The following PITRM1 variants were observed in gnomAD, a reference collection of about 807,000 sequenced individuals.
The protein encoded by PITRM1 is pitrilysin metallopeptidase 1, also known as presequence protease, mitochondrial.
A neutral mutation model predicts 129.9 loss-of-function variants in PITRM1; 100 were observed. The ratio of observed to expected loss-of-function variants is 0.77; its 90% confidence interval spans 0.65 to 0.91. The LOEUF (loss-of-function observed/expected upper bound fraction) is 0.91. PITRM1 is among the 40% of genes least tolerant of loss of function. The pLI is 0.00. For synonymous variants in PITRM1, 591 were observed against 508.8 expected, an observed-to-expected ratio of 1.16 and a Z score of -2.17; for missense variants, 1,471 against 1,318.3, an observed-to-expected ratio of 1.12 and a Z score of -1.79.
Position 3,170,089 on chromosome 10 carries a change from G to A in PITRM1, c.159+15C>T, listed in dbSNP as rs567252286. 4.5e-5 allele frequency: 72 copies of A among 1,584,922 alleles called. 1 individual carries two copies. The highest frequency in any genetic ancestry group is 4.1e-4 in the South Asian group (37 of 90,502). On this transcript the variant is annotated intron_variant, in intron 2 of 26. Coordinates refer to ENST00000224949, the MANE Select transcript of PITRM1 (RefSeq NM_014889.4). ...GTATGTGGATTTATAAGGAGGTGCC[G>A]AGGACGACCCATACCTGGTTTACGG...
intron 1 of PITRM1, 92 bp from the exon 2 acceptor site, chr10:3,170,298 AAAG>A (rs1588732611): frequency 2.4e-6 from 2 of 819,616 alleles, no homozygotes; most frequent in East Asian, 5.4e-5. Flanking sequence ...CTCATGTAAT[AAAG>A]ATTATTAAAG....
chr10:3,172,359 G>T, intron 1 of PITRM1: 1 of 487,086 alleles, frequency 2.1e-6, no homozygotes, highest in Non-Finnish European at 3.9e-6. Flanking sequence ...TTAAGGACTC[G>T]GCCTCCCAAC....
chr10:3,141,756 G>A (rs1213084235), intron 23 of PITRM1: 1 of 434,932 alleles, frequency 2.3e-6, no homozygotes, highest in Admixed American at 2.7e-5. Flanking sequence ...GATGAAGGGA[G>A]TCAAATAGGC....
rs1315167219 is a variant in PITRM1 at position 3,158,955 on chromosome 10, C to A, written c.1095G>T (p.Leu365Phe). The change falls in exon 10 of 27, where the codon TTG (leucine) becomes TTT (phenylalanine). Residue 365 changes from leucine (L) to phenylalanine (F), a missense_variant. Transcript: ENST00000224949. ...AGTCTGTGCCAAGGCCAGATTCAAT[C>A]AAGGCTTTGTAAAAGGGAGAATTGG... ...SGPNSPFYKALIESGLGTDFS... is the reference protein window; with the variant it reads ...SGPNSPFYKAFIESGLGTDFS... 6.2e-7 allele frequency: 1 copy of A among 1,613,568 alleles called. No homozygotes were observed. Among genetic ancestry groups the A allele is most frequent in the South Asian group, 1.1e-5 (1 of 91,068 alleles).
At chr10:3,170,734 G>A (rs1442220059) in intron 1 of PITRM1, among the ~76,000 whole-genome samples, 4 of 152,298 alleles carry the variant, frequency 2.6e-5, no homozygotes, top group Middle Eastern at 3.4e-3. Flanking sequence ...GGTGGCTTAC[G>A]TCTGTAATCC....
chr10:3,157,609 A>C, intron 11 of PITRM1, 78 bp from the exon 12 acceptor site: 1 of 901,748 alleles, frequency 1.1e-6, no homozygotes, highest in Non-Finnish European at 1.7e-6. Context: ...TGGGAGGCCA[A>C]GGCAGGAGGA....
rs1053630947 is a variant in PITRM1 at position 3,138,734 on chromosome 10, C to A, written c.2917+170G>T. The A allele has an allele frequency of 3.8e-6, 3 of 785,084 alleles. No individual in the cohort carries two copies. In the East Asian group the frequency reaches 7.3e-5, roughly 19 times the overall value. 48.6% of individuals were successfully genotyped at this position (785,084 alleles called of 1,614,324 possible). Reference sequence around the variant, plus strand: ...CAAATGACAGGATGCACTCTTCTCGCCCGGATGTCAGGAAGCGTGTTTAGG... The same window carrying A: ...CAAATGACAGGATGCACTCTTCTCGACCGGATGTCAGGAAGCGTGTTTAGG... On this transcript the variant is annotated intron_variant, in intron 25 of 26. Coordinates refer to ENST00000224949, the MANE Select transcript of PITRM1 (RefSeq NM_014889.4).
intron 14 of PITRM1, 147 bp from the exon 15 acceptor site, chr10:3,151,510 T>A: frequency 1.6e-6 from 1 of 610,674 alleles, no homozygotes; most frequent in Non-Finnish European, 3.0e-6. Flanking sequence ...TTGCAAAGTA[T>A]CTCCTATTTC....
Position 3,166,998 on chromosome 10 carries a change from G to C in PITRM1, c.204C>G (p.Thr68=). ...AATACCTGGCTCCTGTGTCATCATG[G>C]GTGAGCTTCACTGCAGTCAGGAACA... ...PELFLTAVKL[T]HDDTGARYLH... is the part of the protein sequence containing the mutation. The change falls in exon 3 of 27, where the codon ACC becomes ACG. Residue 68 remains threonine, a synonymous_variant. Transcript: ENST00000224949. 6.2e-7 allele frequency: 1 copy of C among 1,610,976 alleles called. No individual in the cohort carries two copies. Among genetic ancestry groups the C allele is most frequent in the Non-Finnish European group, 8.5e-7 (1 of 1,178,506 alleles).
chr10:3,147,814 G>C (rs930920335), intron 18 of PITRM1, 77 bp from the exon 19 acceptor site: 12 of 1,381,038 alleles, frequency 8.7e-6, no homozygotes, highest in African/African-American at 1.4e-5. Flanking sequence ...AGTTGATTAA[G>C]TTTTCAGAGT....
chr10:3,158,438 T>G (rs9423707), intron 10 of PITRM1, among the ~76,000 whole-genome samples: 1 of 152,000 alleles, frequency 6.6e-6, no homozygotes, highest in Admixed American at 6.5e-5. Flanking sequence ...TAGTCCCAGC[T>G]ACTCTGGAGG....
intron 21 of PITRM1, chr10:3,144,976 ATT>A (rs1201854540): frequency 6.5e-6 from 1 of 152,876 alleles, no homozygotes; most frequent in Non-Finnish European, 1.5e-5. Context: ...TCAAGAGGAC[ATT>A]TAAGGTGAAA....
chr10:3,142,274 C>A (rs187498790), intron 23 of PITRM1, among the ~76,000 whole-genome samples: 1 of 152,196 alleles, frequency 6.6e-6, no homozygotes, highest in Non-Finnish European at 1.5e-5. Flanking sequence ...TGCAGCCCCA[C>A]GTTTCTTCCC....
intron 11 of PITRM1, 57 bp downstream of exon 11, chr10:3,157,982 CA>C: frequency 9.2e-7 from 1 of 1,081,400 alleles, no homozygotes; most frequent in Non-Finnish European, 1.4e-6. Context: ...CAGCTTCTCC[CA>C]AAAAGCACAC....
At chr10:3,145,916 C>A in intron 20 of PITRM1, 200 bp from the exon 21 acceptor site, 1 of 564,534 alleles carries the variant, frequency 1.8e-6, no homozygotes, top group Non-Finnish European at 3.2e-6. Context: ...CCGCACAGTT[C>A]AATGTGGCAG....
intron 25 of PITRM1, chr10:3,138,650 AC>A: frequency 1.6e-6 from 1 of 620,364 alleles, no homozygotes; most frequent in South Asian, 1.9e-5. Flanking sequence ...TCCTCCTTCC[AC>A]CCTAAAGAGC....
chr10:3,138,815 C>G, intron 25 of PITRM1, 89 bp downstream of exon 25: 1 of 1,248,104 alleles, frequency 8.0e-7, no homozygotes, highest in Non-Finnish European at 1.2e-6. Flanking sequence ...GAAGCTAGTG[C>G]TCCTGCCCAT....
chr10:3,157,163 A>C, intron 12 of PITRM1, 99 bp from the exon 13 acceptor site: 1 of 1,092,630 alleles, frequency 9.2e-7, no homozygotes, highest in African/African-American at 1.6e-5. Context: ...TTCTGTATTT[A>C]AATATACCAC....
At position 3,138,221 on chromosome 10, in the gene PITRM1, C is replaced by A. The variant is rs186675355; in HGVS notation, c.3020+14G>T. The A allele has an allele frequency of 1.9e-6, 3 of 1,605,150 alleles. No homozygotes were observed. Among genetic ancestry groups the A allele is most frequent in the Admixed American group, 1.7e-5 (1 of 60,004 alleles). On this transcript the variant is annotated intron_variant, in intron 26 of 26. Transcript: ENST00000224949. Reference sequence around the variant, plus strand: ...TTCCAGTCCCAGACGCTGTCTCCCCCGCTCCCCACTCACCTATCGCTCACG... The same window carrying A: ...TTCCAGTCCCAGACGCTGTCTCCCCAGCTCCCCACTCACCTATCGCTCACG...
Sources: allele counts gnomAD v4.1 joint callset (sites outside exome capture counted in the v4.1 genomes callset), GRCh38; gene constraint gnomAD v4.1.1; transcripts MANE v1.5; gene names NCBI Gene and HGNC (gene_info 2026-07-23, HGNC 2026-07-21).